Variants in FGF14 observed in about 807,000 individuals in gnomAD.
FGF14 encodes fibroblast growth factor 14.
Under a neutral mutation model 25.5 loss-of-function variants are expected in FGF14, and 5 were observed. The ratio of observed to expected loss-of-function variants is 0.20; its 90% CI spans 0.10 to 0.41. FGF14 has a LOEUF of 0.41. Among genes scored for constraint, FGF14 ranks in the 10% least tolerant of loss-of-function variants. The probability of loss-of-function intolerance (pLI) is 1.00; values close to 1 mark genes in which losing one functional copy is unlikely to be tolerated. For synonymous variants in FGF14, 138 were observed against 118.3 expected (o/e 1.17, Z -1.08); for missense variants, 222 against 320.1 (o/e 0.69, Z 2.34).
chr13:102,245,033 A>C (rs536213186), intron 1 of FGF14, among the ~76,000 whole-genome samples: 6 of 152,246 alleles, frequency 3.9e-5, no homozygotes, highest in Non-Finnish European at 7.4e-5. Flanking sequence ...GTTGCTCTCC[A>C]TTTAGGGAAT....
chr13:102,055,895 G>A (rs1477589717), intron 1 of FGF14, among the ~76,000 whole-genome samples: 4 of 152,140 alleles, frequency 2.6e-5, no homozygotes, highest in African/African-American at 7.2e-5. Context: ...AAAGTGAAAG[G>A]CACATCATAC....
intron 1 of FGF14, among the ~76,000 whole-genome samples, chr13:101,890,793 C>G (rs1234787388): frequency 1.3e-5 from 2 of 152,170 alleles, no homozygotes; most frequent in Non-Finnish European, 2.9e-5. Context: ...GCTCAGACAT[C>G]TGCAGCACTG....
intron 1 of FGF14, among the ~76,000 whole-genome samples, chr13:101,984,175 T>C (rs1199711321): frequency 6.6e-6 from 1 of 152,158 alleles, no homozygotes; most frequent in African/African-American, 2.4e-5. Flanking sequence ...AATGTGACTA[T>C]ATTGATATAT....
At chr13:102,381,329 A>G (rs989435274) in intron 1 of FGF14, among the ~76,000 whole-genome samples, 8 of 152,138 alleles carry the variant, frequency 5.3e-5, no homozygotes, top group Admixed American at 2.0e-4. Flanking sequence ...CTAATCTTCA[A>G]TGCAATTAAT....
intron 1 of FGF14, among the ~76,000 whole-genome samples, chr13:101,925,681 T>A (rs1566445784): frequency 6.6e-6 from 1 of 152,222 alleles, no homozygotes; most frequent in Non-Finnish European, 1.5e-5. Context: ...AAAATATAGA[T>A]CTTAAATTAT....
chr13:102,223,993 G>A (rs1304381299), intron 1 of FGF14, among the ~76,000 whole-genome samples: 2 of 152,230 alleles, frequency 1.3e-5, no homozygotes, highest in East Asian at 3.9e-4. Flanking sequence ...GATGGTGAGA[G>A]ATACGTCTCT....
chr13:102,219,604 G>C (rs1370743976), intron 1 of FGF14, among the ~76,000 whole-genome samples: 1 of 152,142 alleles, frequency 6.6e-6, no homozygotes, highest in African/African-American at 2.4e-5. Flanking sequence ...ACTTCCTCCT[G>C]AAATTGGAAG....
chr13:101,813,520 T>A (rs1434819542), intron 3 of FGF14, among the ~76,000 whole-genome samples: 4 of 152,174 alleles, frequency 2.6e-5, no homozygotes, highest in African/African-American at 9.7e-5. Context: ...AGTGGCTTGA[T>A]CTTGAACTTC....
At chr13:102,011,523 G>C (rs982190352) in intron 1 of FGF14, among the ~76,000 whole-genome samples, 2 of 150,542 alleles carry the variant, frequency 1.3e-5, no homozygotes, top group African/African-American at 2.5e-5. Context: ...TGAGAGCATA[G>C]AGAGCAGCTC....
intron 1 of FGF14, chr13:102,401,415 G>A: frequency 6.5e-7 from 1 of 1,529,660 alleles, no homozygotes; most frequent in Non-Finnish European, 9.1e-7. Context: ...CTAGCTCGAT[G>A]AGCAACAGAC....
rs979226290 is a variant in FGF14, at chr13:101,986,243, C to T, written c.209-110947G>A. Among the ~76,000 whole-genome samples the T allele has an allele frequency of 2.4e-4, 36 of 152,140 alleles. 1 individual carries two copies. The highest frequency in any genetic ancestry group is 1.7e-4 in the African/African-American group (7 of 41,518). Reference sequence around the variant, plus strand: ...TAAGGATTTTCCATAACACCAGTAGCGCACAAGTTTTTCAATTTGGGTTTC... The same window carrying T: ...TAAGGATTTTCCATAACACCAGTAGTGCACAAGTTTTTCAATTTGGGTTTC... On this transcript the variant is annotated intron_variant, in intron 1 of 4. Transcript: ENST00000376131.
intron 1 of FGF14, among the ~76,000 whole-genome samples, chr13:101,911,433 T>C (rs905396698): frequency 6.6e-6 from 1 of 152,180 alleles, no homozygotes; most frequent in African/African-American, 2.4e-5. Context: ...AAGCAAACCA[T>C]CTTCTTTATG....
At position 101,722,908 on chromosome 13, in the gene FGF14, C is replaced by T. The variant is rs1366173799; in HGVS notation, c.667G>A (p.Val223Met). Reference sequence around the variant, plus strand: ...GCACTTGTGCTTTTACTTGGCGTCACCCCAGGCTTCGGGACCGTTTCCCCA... The same window carrying T: ...GCACTTGTGCTTTTACTTGGCGTCATCCCAGGCTTCGGGACCGTTTCCCCA... ...DVGETVPKPG[V>M]TPSKSTSASA... Residue 223 changes from valine (V) to methionine (M), a missense_variant, in exon 5 of 5, where the codon GTG becomes ATG. Coordinates refer to ENST00000376143, the MANE Select transcript of FGF14 (RefSeq NM_004115.4). 1.9e-6 allele frequency: 3 copies of T among 1,613,234 alleles called. No homozygotes were observed. Among genetic ancestry groups the T allele is most frequent in the East Asian group, 2.2e-5 (1 of 44,844 alleles).
chr13:101,812,655 T>A (rs7318156), intron 3 of FGF14, among the ~76,000 whole-genome samples: 14 of 55,198 alleles, frequency 2.5e-4, no homozygotes, highest in East Asian at 5.7e-4. Context: ...ATATATATAT[T>A]TTTTTTTTTT....
Position 101,714,754 on chromosome 13 carries a change from T to G in FGF14, c.*8077A>C. The G allele has an allele frequency of 1.8e-6, 1 of 547,856 alleles. No homozygotes were observed. 33.9% of individuals were successfully genotyped at this position (547,856 alleles called of 1,614,324 possible). A position where few individuals can be genotyped will look rare whatever the true frequency, so the allele number is the denominator to read the frequency against. ...CTAGGCATAGAAGAATACAAGAGAA[T>G]GAAGCTAAATTTTGTGATTATTTGG... On this transcript the variant is annotated 3_prime_UTR_variant, in exon 5 of 5. Transcript: ENST00000376143.
chr13:102,108,893 A>G (rs1223227655), intron 1 of FGF14, among the ~76,000 whole-genome samples: 13 of 152,182 alleles, frequency 8.5e-5, no homozygotes, highest in Non-Finnish European at 1.6e-4. Context: ...TATTGTCCTT[A>G]TGTTACTTCA....
chr13:102,180,964 T>C (rs1184169550), intron 1 of FGF14, among the ~76,000 whole-genome samples: 1 of 152,160 alleles, frequency 6.6e-6, no homozygotes, highest in Non-Finnish European at 1.5e-5. Flanking sequence ...CATGTTTATA[T>C]TATAGTAAAT....
chr13:102,009,182 TTGTG>T (rs2039955717), intron 1 of FGF14, among the ~76,000 whole-genome samples: 1 of 152,180 alleles, frequency 6.6e-6, no homozygotes, highest in African/African-American at 2.4e-5. Flanking sequence ...CTTCTGTGTA[TTGTG>T]TGTGTCTATA....
intron 3 of FGF14, among the ~76,000 whole-genome samples, chr13:101,762,539 A>G (rs925182959): frequency 1.3e-5 from 2 of 152,236 alleles, no homozygotes; most frequent in African/African-American, 2.4e-5. Context: ...GGTAATACAT[A>G]TAAATATAAT....
Sources: allele counts gnomAD v4.1 joint callset (sites outside exome capture counted in the v4.1 genomes callset), GRCh38; gene constraint gnomAD v4.1.1; transcripts MANE v1.5; gene names NCBI Gene and HGNC (gene_info 2026-07-23, HGNC 2026-07-21).